The following SLC4A10 variants were observed in gnomAD, a reference collection of about 807,000 sequenced individuals.
The protein encoded by SLC4A10 is sodium-driven chloride bicarbonate exchanger.
Under a neutral mutation model 137.7 loss-of-function variants are expected in SLC4A10, and 42 were observed. The observed-to-expected ratio is 0.30, with a 90% CI of 0.24 to 0.39. The LOEUF is 0.39. Ranked by LOEUF, SLC4A10 falls within the 10% of genes least tolerant of loss-of-function variation. The pLI, the probability that SLC4A10 is intolerant of heterozygous loss-of-function variation, is 1.00. For synonymous variants in SLC4A10, 474 were observed against 464.1 expected, an observed-to-expected ratio of 1.02 and a Z score of -0.27; for missense variants, 925 against 1,355.0, an observed-to-expected ratio of 0.68 and a Z score of 4.98.
chr2:161,962,644 T>C (rs756169456), intron 21 of SLC4A10, among the ~76,000 whole-genome samples: 3 of 152,178 alleles, frequency 2.0e-5, no homozygotes, highest in Non-Finnish European at 4.4e-5. Context: ...GTTTCAATAA[T>C]ATTTTTGGAA....
intron 1 of SLC4A10, among the ~76,000 whole-genome samples, chr2:161,717,611 C>A (rs1452346777): frequency 6.6e-6 from 1 of 151,996 alleles, no homozygotes; most frequent in Non-Finnish European, 1.5e-5. Flanking sequence ...TTTGCATACG[C>A]TGAACCACCC....
At chr2:161,766,837 A>AT (rs1270763417) in intron 1 of SLC4A10, among the ~76,000 whole-genome samples, 1 of 151,290 alleles carries the variant, frequency 6.6e-6, no homozygotes, top group Non-Finnish European at 1.5e-5. Context: ...ATTTTTAAAA[A>AT]TTTTTTTCCA....
chr2:161,781,900 C>T (rs553084699), intron 2 of SLC4A10, among the ~76,000 whole-genome samples: 2 of 152,156 alleles, frequency 1.3e-5, no homozygotes, highest in East Asian at 3.9e-4. Flanking sequence ...AACGCAACAC[C>T]ATACAATTGG....
chr2:161,648,357 ATG>A (rs2036344406), intron 1 of SLC4A10, among the ~76,000 whole-genome samples: 1 of 152,190 alleles, frequency 6.6e-6, no homozygotes, highest in Non-Finnish European at 1.5e-5. Flanking sequence ...CGTACAGTAT[ATG>A]CTATTGAGTG....
At chr2:161,763,040 C>T (rs1330839281) in intron 1 of SLC4A10, among the ~76,000 whole-genome samples, 1 of 152,034 alleles carries the variant, frequency 6.6e-6, no homozygotes, top group African/African-American at 2.4e-5. Flanking sequence ...TCCATACTTA[C>T]ATTTTATTAG....
At chr2:161,706,298 T>C (rs1486469857) in intron 1 of SLC4A10, among the ~76,000 whole-genome samples, 1 of 151,662 alleles carries the variant, frequency 6.6e-6, no homozygotes, top group Non-Finnish European at 1.5e-5. Context: ...ACAAAATACC[T>C]GAAGGAAAAG....
At chr2:161,748,436 T>G (rs28815232) in intron 1 of SLC4A10, among the ~76,000 whole-genome samples, 2 of 142,518 alleles carry the variant, frequency 1.4e-5, no homozygotes, top group Admixed American at 7.0e-5. Context: ...CATTTTGAGT[T>G]TGTGTGTGTG....
At position 161,900,974 on chromosome 2, in the gene SLC4A10, G is replaced by A. The variant is rs755119585; in HGVS notation, c.1405G>A (p.Gly469Arg). The A allele has an allele frequency of 3.2e-5, 50 of 1,568,474 alleles. No homozygotes were observed. Among genetic ancestry groups the A allele is most frequent in the Non-Finnish European group, 4.2e-5 (48 of 1,156,088 alleles). Residue 469 changes from glycine (G) to arginine (R), a missense_variant, in exon 12 of 27, where the codon GGA (glycine) becomes AGA (arginine). This residue lies in a region of SLC4A10 where 61 missense variants were observed against 59.0 expected (regional missense o/e 1.03). Coordinates refer to ENST00000446997, the MANE Select transcript of SLC4A10 (RefSeq NM_001178015.2). Reference sequence around the variant, plus strand: ...AGCTCATGGGGAAGCAGAGCCCCACGGAGGACATAGTGGACCTGAACTCCA... The same window carrying A: ...AGCTCATGGGGAAGCAGAGCCCCACAGAGGACATAGTGGACCTGAACTCCA... ...TAAHGEAEPH[G>R]GHSGPELQRT...
intron 1 of SLC4A10, among the ~76,000 whole-genome samples, chr2:161,641,189 C>A (rs2035273828): frequency 6.6e-6 from 1 of 152,036 alleles, no homozygotes; most frequent in African/African-American, 2.4e-5. Flanking sequence ...CTGTTTATTA[C>A]AATATGATAG....
chr2:161,721,854 C>A lies in SLC4A10; in HGVS notation c.49-49119C>A, dbSNP rs551403985. On this transcript the variant is annotated intron_variant, in intron 1 of 26. Transcript: ENST00000446997. The stretch of plus-strand genomic sequence containing the variant: ...TCATAGTTTGGTCTTTTTACATAAT[C>A]CTTATAGTTCTTGGATGTTTTGTTT... 3.9e-5 allele frequency among the ~76,000 whole-genome samples: 6 copies of A among 152,282 alleles called. No individual in the cohort carries two copies. The East Asian group carries it at 1.2e-3, about 29-fold the overall frequency.
intron 15 of SLC4A10, among the ~76,000 whole-genome samples, chr2:161,933,231 C>G: frequency 8.5e-6 from 1 of 118,190 alleles, no homozygotes; most frequent in South Asian, 2.9e-4. Flanking sequence ...TTCTTTCTTT[C>G]TTTCTTTCTT....
chr2:161,635,316 G>T (rs2034234396), intron 1 of SLC4A10, among the ~76,000 whole-genome samples: 1 of 152,076 alleles, frequency 6.6e-6, no homozygotes, highest in Non-Finnish European at 1.5e-5. Context: ...GGTAGAGAAA[G>T]ACTCTCTGGT....
chr2:161,677,342 T>A (rs981856393), intron 1 of SLC4A10, among the ~76,000 whole-genome samples: 7 of 152,170 alleles, frequency 4.6e-5, no homozygotes, highest in African/African-American at 1.7e-4. Flanking sequence ...AGCAGCCGAA[T>A]AAACCTGTTT....
chr2:161,847,085 C>CAAA (rs112754742), intron 4 of SLC4A10, among the ~76,000 whole-genome samples: 11 of 139,298 alleles, frequency 7.9e-5, no homozygotes, highest in East Asian at 2.2e-4. Context: ...TAAAAAAATA[C>CAAA]AAAAAAAAAA....
intron 15 of SLC4A10, among the ~76,000 whole-genome samples, chr2:161,940,970 A>G (rs1378323140): frequency 1.3e-5 from 2 of 152,188 alleles, no homozygotes; most frequent in Non-Finnish European, 2.9e-5. Flanking sequence ...AGGCTACCAC[A>G]GCAAAAAGGC....
chr2:161,795,686 C>G (rs764715092), intron 2 of SLC4A10, among the ~76,000 whole-genome samples: 1 of 151,884 alleles, frequency 6.6e-6, no homozygotes, highest in Non-Finnish European at 1.5e-5. Flanking sequence ...ACCTATTTAT[C>G]GGAAAGTTAC....
At chr2:161,844,251 T>G (rs2059361116) in intron 4 of SLC4A10, among the ~76,000 whole-genome samples, 1 of 152,142 alleles carries the variant, frequency 6.6e-6, no homozygotes. Flanking sequence ...AGAACAATTT[T>G]ATTGATGCTG....
chr2:161,965,306 AC>A, intron 23 of SLC4A10, 133 bp downstream of exon 23: 1 of 831,476 alleles, frequency 1.2e-6, no homozygotes, highest in Non-Finnish European at 1.7e-6. Context: ...CCACAAGTAG[AC>A]TAGTTTGGAA....
intron 1 of SLC4A10, among the ~76,000 whole-genome samples, chr2:161,625,997 ATT>A (rs1266890391): frequency 1.3e-5 from 2 of 152,076 alleles, no homozygotes; most frequent in African/African-American, 4.8e-5. Flanking sequence ...CGTGTAAAAG[ATT>A]TGTCTATCTT....
Sources: gnomAD v4.1 joint callset for allele counts (sites outside exome capture counted in the v4.1 genomes callset) on GRCh38, gnomAD v4.1.1 for gene constraint, gnomAD v4.1.1 regional missense constraint, MANE v1.5 for transcripts, NCBI Gene and HGNC (gene_info 2026-07-23, HGNC 2026-07-21) for gene names.